Variants in GET4 observed in about 807,000 individuals in gnomAD.
GET4 encodes Golgi to ER traffic protein 4 homolog.
GET4 carries 20 observed loss-of-function variants against 40.0 expected under a neutral mutation model. The observed-to-expected ratio is 0.50, with a 90% CI of 0.35 to 0.73. GET4 has a LOEUF of 0.73. Among genes scored for constraint, GET4 ranks in the 30% least tolerant of loss-of-function variants. GET4 has a pLI of 0.01. For missense variants in GET4, 557 were observed against 454.0 expected, an observed-to-expected ratio of 1.23 and a Z score of -2.06; for synonymous variants, 280 against 194.6, an observed-to-expected ratio of 1.44 and a Z score of -3.65.
intron 1 of GET4, chr7:883,266 T>A (rs1364966969): frequency 6.5e-6 from 1 of 152,726 alleles, no homozygotes; most frequent in Admixed American, 6.5e-5. Flanking sequence ...TGAAATCTCC[T>A]CTGGCCCCCT....
At chr7:894,403 C>T (rs1355149993) in intron 8 of GET4, among the ~76,000 whole-genome samples, 9 of 152,304 alleles carry the variant, frequency 5.9e-5, no homozygotes, top group South Asian at 4.1e-4. Context: ...CGTGGCACCG[C>T]GGGAGAGGCC....
chr7:886,583 A>T lies in GET4; in HGVS notation c.249A>T (p.Ala83=), dbSNP rs1388659302. 6 of 1,612,376 alleles carry T rather than the reference A, an allele frequency of 3.7e-6. No homozygotes were observed. Among genetic ancestry groups the T allele is most frequent in the Admixed American group, 3.3e-5 (2 of 60,002 alleles). ...FFSHGQQNSA[A]DLSMLVLESL... ...TTCTCTTGTAGCAAAACAGTGCAGC[A>T]GACTTGTCCATGCTGGTCCTGGAGT... The change falls in exon 3 of 9, where the codon GCA becomes GCT. Residue 83 remains alanine, a synonymous_variant. Coordinates refer to ENST00000265857, the MANE Select transcript of GET4 (RefSeq NM_015949.3).
At chr7:892,014 C>T (rs1844334715) in intron 5 of GET4, among the ~76,000 whole-genome samples, 1 of 152,240 alleles carries the variant, frequency 6.6e-6, no homozygotes, top group South Asian at 2.1e-4. Context: ...CAGTGCGTCA[C>T]GTAGTCAGGG....
chr7:878,407 G>T, intron 1 of GET4: 1 of 470,350 alleles, frequency 2.1e-6, no homozygotes, highest in Non-Finnish European at 4.4e-6. Context: ...CAGTCACTAG[G>T]AATTGGGTCT....
chr7:883,459 G>A, intron 1 of GET4: 2 of 969,418 alleles, frequency 2.1e-6, no homozygotes, highest in Non-Finnish European at 2.5e-6. Context: ...TTGCGTTTCT[G>A]TGTTCTGCTT....
intron 8 of GET4, among the ~76,000 whole-genome samples, chr7:894,193 C>T (rs997508661): frequency 6.6e-6 from 1 of 152,218 alleles, no homozygotes; most frequent in African/African-American, 2.4e-5. Context: ...AGCTCCCCAT[C>T]CCTGAGGTGT....
intron 6 of GET4, 137 bp downstream of exon 6, chr7:892,555 TG>T (rs1844351230): frequency 7.0e-6 from 6 of 854,636 alleles, no homozygotes; most frequent in Admixed American, 2.3e-5. Flanking sequence ...GCATAGGGTA[TG>T]AGTGCTGGGT....
At chr7:878,098 G>C (rs1394124878) in intron 1 of GET4, 34 of 330,770 alleles carry the variant, frequency 1.0e-4, no homozygotes, top group Non-Finnish European at 1.9e-4. Flanking sequence ...CCGGCCTGCC[G>C]AACCGAGTCA....
chr7:892,348 A>G lies in GET4; in HGVS notation c.676A>G (p.Ile226Val), dbSNP rs751668828. ...GACGTACACCCAGAAGCACCCGTCC[A>G]TCGAGGACGGGCCTCCGTTTGTGGA... ...FTTYTQKHPS[I>V]EDGPPFVEPL... The change falls in exon 6 of 9, where the codon ATC becomes GTC. Residue 226 changes from isoleucine to valine, a missense_variant. Physicochemically the swap from Ile to Val is conservative, Grantham distance 29 (BLOSUM62 3). Transcript: ENST00000265857. 4.4e-6 allele frequency: 7 copies of G among 1,595,774 alleles called. No homozygotes were observed. Among genetic ancestry groups the G allele is most frequent in the East Asian group, 4.5e-5 (2 of 44,274 alleles).
In GET4 at chr7:878,275, C is replaced by A. The variant is rs538727456; in HGVS notation, c.155+1475C>A. The A allele has an allele frequency of 1.4e-4, 66 of 471,110 alleles. 2 individuals are homozygous for A. Among genetic ancestry groups the A allele is most frequent in the African/African-American group, 1.3e-3 (64 of 50,208 alleles). The allele number at this position is 471,110 out of a possible 1,614,324, so 29.2% of individuals were successfully genotyped here. On this transcript the variant is annotated intron_variant, in intron 1 of 8. Transcript: ENST00000265857. ...TTGGTTGATTGTCTTCAGGACTGCT[C>A]TGTTCCAGTATTTTTGCTGTCATAC...
chr7:895,614 A>G lies in GET4; in HGVS notation c.*192A>G, dbSNP rs1844464985. ...GCTGCTCACTGTGCTGCTGGGACCC[A>G]AGAGTGGGGCGTCGCCCCTGCTGGC... On this transcript the variant is annotated 3_prime_UTR_variant, in exon 9 of 9. Coordinates refer to ENST00000265857, the MANE Select transcript of GET4 (RefSeq NM_015949.3). The G allele has an allele frequency of 1.1e-5, 5 of 444,162 alleles. No homozygotes were observed. In the South Asian group the frequency reaches 1.9e-4, roughly 17 times the overall value. 27.5% of individuals were successfully genotyped at this position (444,162 alleles called of 1,614,324 possible).
intron 1 of GET4, chr7:884,324 T>C (rs1345824497): frequency 7.7e-7 from 1 of 1,304,054 alleles, no homozygotes. Context: ...GTCATGTCCC[T>C]GCAGGACTGG....
At chr7:890,555 G>A (rs1844297858) in intron 4 of GET4, among the ~76,000 whole-genome samples, 1 of 152,048 alleles carries the variant, frequency 6.6e-6, no homozygotes, top group African/African-American at 2.4e-5. Flanking sequence ...CTACATCCGA[G>A]GTGCACTGGC....
At chr7:887,953 G>C (rs1306908195) in intron 4 of GET4, among the ~76,000 whole-genome samples, 1 of 152,104 alleles carries the variant, frequency 6.6e-6, no homozygotes, top group African/African-American at 2.4e-5. Context: ...GGTGTGGTTG[G>C]TGTTTTTAGT....
intron 2 of GET4, 146 bp downstream of exon 2, chr7:886,280 G>A: frequency 1.6e-6 from 1 of 636,994 alleles, no homozygotes. Context: ...GGGGCCCAGA[G>A]TCCCCCCTGG....
At chr7:886,217 T>C in intron 2 of GET4, 83 bp downstream of exon 2, 1 of 891,588 alleles carries the variant, frequency 1.1e-6, no homozygotes, top group Admixed American at 1.8e-5. Flanking sequence ...CCTCCACTGA[T>C]GGGCAACCTT....
chr7:891,807 G>A (rs933176648), intron 5 of GET4, among the ~76,000 whole-genome samples: 5 of 152,246 alleles, frequency 3.3e-5, no homozygotes, highest in Non-Finnish European at 7.3e-5. Context: ...GAGCTCCCTG[G>A]CTCTGCGCTA....
In GET4 at chr7:892,289, T is replaced by C. The variant is rs1773798789; in HGVS notation, c.617T>C (p.Leu206Ser). 1.3e-6 allele frequency: 2 copies of C among 1,587,924 alleles called. No individual in the cohort carries two copies. Among genetic ancestry groups the C allele is most frequent in the African/African-American group, 1.3e-5 (1 of 74,526 alleles). ...GTTCTCATTTCCAGGTTTCTCTGTT[T>C]AAAAAACAAAAGTAGCGCATCGGTG... ...VAQAVLQFLCLKNKSSASVVF... is the reference protein window; with the variant it reads ...VAQAVLQFLCSKNKSSASVVF... Residue 206 changes from leucine to serine, a missense_variant, in exon 6 of 9, where the codon TTA becomes TCA. Transcript: ENST00000265857.
At position 896,035 on chromosome 7, in the gene GET4, T is replaced by A. The variant is rs1195815462; in HGVS notation, c.*613T>A. On this transcript the variant is annotated 3_prime_UTR_variant, in exon 9 of 9. Transcript: ENST00000265857. ...CGGGTACTTGCAGCTGTGTCCCATG[T>A]GGCATCCCAGAGCTGCGCCCTGCTG... is the stretch of plus-strand genomic sequence containing the variant. 6.6e-6 allele frequency: 1 copy of A among 152,186 alleles called. No individual in the cohort carries two copies. Among genetic ancestry groups the A allele is most frequent in the Non-Finnish European group, 1.5e-5 (1 of 68,024 alleles). 9.4% of individuals were successfully genotyped at this position (152,186 alleles called of 1,614,324 possible). A position where few individuals can be genotyped will look rare whatever the true frequency, so the allele number is the denominator to read the frequency against.
Sources: gnomAD v4.1 joint callset for allele counts (sites outside exome capture counted in the v4.1 genomes callset) on GRCh38, gnomAD v4.1.1 for gene constraint, MANE v1.5 for transcripts, NCBI Gene and HGNC (gene_info 2026-07-23, HGNC 2026-07-21) for gene names.